ARID4A: variants seen among roughly 807,000 people sequenced by gnomAD.
ARID4A encodes AT-rich interaction domain 4A.
Under a neutral mutation model 148.6 loss-of-function variants are expected in ARID4A, and 39 were observed. The observed-to-expected ratio is 0.26, with a 90% CI of 0.20 to 0.34. The LOEUF (loss-of-function observed/expected upper bound fraction) is 0.34, where lower values mean the gene tolerates loss of function less well. Among genes scored for constraint, ARID4A ranks in the 10% least tolerant of loss-of-function variants. The pLI is 1.00. For synonymous variants in ARID4A, 475 were observed against 481.2 expected (o/e 0.99, Z 0.17); for missense variants, 1,265 against 1,449.1 (o/e 0.87, Z 2.06).
At chr14:58,303,453 G>C (rs537496913) in intron 3 of ARID4A, 2 of 452,026 alleles carry the variant, frequency 4.4e-6, no homozygotes, top group Non-Finnish European at 9.4e-6. Context: ...TACTGTGCCA[G>C]TCATAAAATT....
intron 3 of ARID4A, among the ~76,000 whole-genome samples, chr14:58,302,233 C>T (rs555156015): frequency 6.6e-6 from 1 of 152,238 alleles, no homozygotes; most frequent in East Asian, 1.9e-4. Flanking sequence ...GTGACTCACG[C>T]CTGTAATCCC....
chr14:58,365,881 G>GT (rs2035339979), intron 21 of ARID4A, 143 bp from the exon 22 acceptor site: 2 of 817,122 alleles, frequency 2.4e-6, no homozygotes, highest in Non-Finnish European at 3.7e-6. Flanking sequence ...TTGTTTTTTT[G>GT]TTGTTTTTAT....
intron 17 of ARID4A, among the ~76,000 whole-genome samples, chr14:58,358,355 A>G (rs1230441829): frequency 6.6e-6 from 1 of 152,016 alleles, no homozygotes; most frequent in Non-Finnish European, 1.5e-5. Flanking sequence ...GTAATCCCAG[A>G]TATTGGGAGG....
chr14:58,354,110 C>A (rs534814376), intron 17 of ARID4A, among the ~76,000 whole-genome samples: 1 of 152,108 alleles, frequency 6.6e-6, no homozygotes, highest in East Asian at 1.9e-4. Context: ...GGAGAACACA[C>A]AGCAAGGGGA....
chr14:58,354,546 G>T (rs748820544), intron 17 of ARID4A, among the ~76,000 whole-genome samples: 26 of 152,000 alleles, frequency 1.7e-4, no homozygotes, highest in Non-Finnish European at 7.4e-5. Context: ...AGCCTGGCAT[G>T]GTGGCACGCA....
chr14:58,299,201 C>A (rs935407301), intron 1 of ARID4A: 4 of 152,634 alleles, frequency 2.6e-5, no homozygotes, highest in African/African-American at 9.6e-5. Flanking sequence ...CCTCCGCCCC[C>A]CGCCCCCTCC....
intron 7 of ARID4A, 39 bp from the exon 8 acceptor site, chr14:58,323,442 ATTGT>A (rs951326951): frequency 1.0e-5 from 16 of 1,581,508 alleles, no homozygotes; most frequent in East Asian, 4.5e-5. Context: ...GTATCAAATA[ATTGT>A]TTGTGTTAGG....
At chr14:58,344,437 A>G (rs2034259499) in intron 11 of ARID4A, among the ~76,000 whole-genome samples, 1 of 152,194 alleles carries the variant, frequency 6.6e-6, no homozygotes, top group Non-Finnish European at 1.5e-5. Flanking sequence ...TTTATTCCTG[A>G]ATGTTTTCCT....
intron 11 of ARID4A, among the ~76,000 whole-genome samples, chr14:58,340,884 A>G (rs1234691428): frequency 1.3e-5 from 2 of 152,246 alleles, no homozygotes; most frequent in Non-Finnish European, 2.9e-5. Flanking sequence ...ATACTCAATG[A>G]ATGTGAAGCA....
At chr14:58,342,341 A>G (rs1001407553) in intron 11 of ARID4A, among the ~76,000 whole-genome samples, 9 of 152,190 alleles carry the variant, frequency 5.9e-5, no homozygotes, top group African/African-American at 1.9e-4. Flanking sequence ...AACTGTACCA[A>G]AACTACAATT....
intron 8 of ARID4A, among the ~76,000 whole-genome samples, chr14:58,326,030 C>T (rs1436956164): frequency 2.0e-5 from 3 of 152,076 alleles, no homozygotes; most frequent in African/African-American, 7.2e-5. Context: ...TATTAGGACT[C>T]CCTGGCCTGA....
intron 5 of ARID4A, among the ~76,000 whole-genome samples, chr14:58,317,767 G>C (rs2032565719): frequency 6.6e-6 from 1 of 150,906 alleles, no homozygotes; most frequent in South Asian, 2.1e-4. Context: ...CCAGTAGCTG[G>C]GACCACAGGC....
intron 11 of ARID4A, among the ~76,000 whole-genome samples, chr14:58,343,562 C>T (rs1475994490): frequency 6.6e-6 from 1 of 152,094 alleles, no homozygotes; most frequent in Non-Finnish European, 1.5e-5. Flanking sequence ...GGTGCTGTGG[C>T]TTATGCCTGT....
At chr14:58,342,467 T>A (rs1165625340) in intron 11 of ARID4A, among the ~76,000 whole-genome samples, 1 of 152,224 alleles carries the variant, frequency 6.6e-6, no homozygotes, top group Non-Finnish European at 1.5e-5. Flanking sequence ...CATTAAAAAT[T>A]TATCAAATGT....
At position 58,364,878 on chromosome 14, in the gene ARID4A, T is replaced by C. The variant is rs2035286223; in HGVS notation, c.2789T>C (p.Phe930Ser). 1 of 1,614,112 alleles carries C rather than the reference T, an allele frequency of 6.2e-7. No homozygotes were observed. The highest frequency in any genetic ancestry group is 1.3e-5 in the African/African-American group (1 of 75,040). ...ATCCAACAACTGACTAGTGAAAGAT[T>C]TGATAGTCCAGCTGAAGAAACTGTA... ...QCIQQLTSER[F>S]DSPAEETVNI... The change falls in exon 20 of 24, where the codon TTT (phenylalanine) becomes TCT (serine). Residue 930 changes from phenylalanine to serine, a missense_variant. Transcript: ENST00000355431.
intron 19 of ARID4A, 136 bp downstream of exon 19, chr14:58,361,178 T>C (rs780542148): frequency 9.5e-5 from 129 of 1,356,348 alleles, no homozygotes; most frequent in Non-Finnish European, 1.1e-4. Flanking sequence ...GTGTGAAATA[T>C]TCACAGTACA....
intron 5 of ARID4A, among the ~76,000 whole-genome samples, chr14:58,314,711 G>A (rs530081185): frequency 6.6e-6 from 1 of 152,098 alleles, no homozygotes; most frequent in Admixed American, 6.5e-5. Flanking sequence ...TTACAGGTGT[G>A]AGCCATCACA....
In ARID4A at chr14:58,307,287, T is replaced by C. The variant is rs77379848; in HGVS notation, c.274+1175T>C. Among the ~76,000 whole-genome samples the C allele has an allele frequency of 8.5e-3, 1,291 of 152,358 alleles. 39 individuals are homozygous for C. The East Asian group carries it at 0.1, about 12-fold the overall frequency. ...CTTGATTTGTTGCTTTGGGTAAAAA[T>C]CATTCACATCCAGTTGATGCTCAGT... On this transcript the variant is annotated intron_variant, in intron 5 of 23. Transcript: ENST00000355431.
chr14:58,332,629 G>C (rs1452631660), intron 11 of ARID4A, among the ~76,000 whole-genome samples: 1 of 152,098 alleles, frequency 6.6e-6, no homozygotes, highest in African/African-American at 2.4e-5. Flanking sequence ...ACAAAGAGGA[G>C]GGGAATGACT....
Sources: gnomAD v4.1 joint callset for allele counts (sites outside exome capture counted in the v4.1 genomes callset) on GRCh38, gnomAD v4.1.1 for gene constraint, MANE v1.5 for transcripts, NCBI Gene and HGNC (gene_info 2026-07-23, HGNC 2026-07-21) for gene names.